The following XPNPEP2 variants were observed in gnomAD, a reference collection of about 807,000 sequenced individuals.
The protein encoded by XPNPEP2 is X-prolyl aminopeptidase 2.
In XPNPEP2, 64 loss-of-function variants were observed where a neutral mutation model predicts 59.8. That is an observed-to-expected ratio of 1.07 (90% CI 0.87 to 1.32). XPNPEP2 has a LOEUF of 1.32. XPNPEP2 is among the 40% of genes most tolerant of loss of function. The pLI is 0.00. For synonymous variants in XPNPEP2, 235 were observed against 210.0 expected, an observed-to-expected ratio of 1.12 and a Z score of -1.03; for missense variants, 575 against 546.8, an observed-to-expected ratio of 1.05 and a Z score of -0.51.
chrX:129,760,618 C>T (rs1926639309), intron 16 of XPNPEP2, 37 bp downstream of exon 16: 1 of 1,184,412 alleles, frequency 8.4e-7, no homozygotes, highest in Non-Finnish European at 1.1e-6. Flanking sequence ...CAGCCTCAGG[C>T]CCTGATTTCA....
rs146516829 is a variant in XPNPEP2 at position 129,758,106 on chromosome X, G to A, written c.1368-1074G>A. 1.9e-3 allele frequency among the ~76,000 whole-genome samples: 210 copies of A among 111,104 alleles called. 4 individuals carry two copies. The East Asian group carries it at 0.039, about 21-fold the overall frequency. ...CGTGGGGTGGGACAAAAGAAGGGCCGTACTGAACTGATGGAGGAGCAAGGA... is the reference window on the plus strand; with the variant it reads ...CGTGGGGTGGGACAAAAGAAGGGCCATACTGAACTGATGGAGGAGCAAGGA... On this transcript the variant is annotated intron_variant, in intron 14 of 20. Transcript: ENST00000371106.
chrX:129,766,111 C>T (rs1926747255), intron 19 of XPNPEP2, among the ~76,000 whole-genome samples: 1 of 111,988 alleles, frequency 8.9e-6, no homozygotes, highest in African/African-American at 3.2e-5. Context: ...CACCCTCTCT[C>T]TGTGATATGT....
At chrX:129,763,532 C>T (rs781473175) in intron 19 of XPNPEP2, among the ~76,000 whole-genome samples, 77 of 111,035 alleles carry the variant, frequency 6.9e-4, no homozygotes, top group South Asian at 1.9e-3. Context: ...ATTAGCTGCA[C>T]ATGGTGTCAT....
chrX:129,759,735 A>G (rs1168407119), intron 15 of XPNPEP2, among the ~76,000 whole-genome samples: 2 of 112,920 alleles, frequency 1.8e-5, no homozygotes, highest in Non-Finnish European at 3.7e-5. Context: ...TGGGGCAGAC[A>G]TTGTGCTGGA....
rs964280528 is a variant in XPNPEP2 at position 129,747,634 on chromosome X, T to C, written c.518T>C (p.Leu173Pro). Reference sequence around the variant, plus strand: ...ACCTGGGAGAGTTATGATCTGGCCCTCCAAGGCTCTAACAGACAGCTGGTG... The same window carrying C: ...ACCTGGGAGAGTTATGATCTGGCCCCCCAAGGCTCTAACAGACAGCTGGTG... ...IDTWESYDLA[L>P]QGSNRQLVSI... Residue 173 changes from leucine to proline, a missense_variant, in exon 7 of 21, where the codon CTC becomes CCC. Leu to Pro is a moderately conservative substitution (Grantham distance 98, BLOSUM62 -3). Coordinates refer to ENST00000371106, the MANE Select transcript of XPNPEP2 (RefSeq NM_003399.6). 8.3e-6 allele frequency: 10 copies of C among 1,210,439 alleles called. No homozygotes were observed. In the African/African-American group the frequency reaches 1.7e-4, roughly 21 times the overall value.
Position 129,739,050 on chromosome X carries a change from AG to A in XPNPEP2, c.-163del, listed in dbSNP as rs1177759010. On this transcript the variant is annotated 5_prime_UTR_variant, in exon 1 of 21. Transcript: ENST00000371106. ...CCAGAGCCCTCCAAAACAAAAGACC[AG>A]AGAAGCACTCTCCACCCAGCAGCCA... The A allele has an allele frequency of 1.7e-5, 9 of 523,356 alleles. No homozygotes were observed. Among genetic ancestry groups the A allele is most frequent in the Non-Finnish European group, 2.5e-5 (8 of 314,500 alleles). The allele number at this position is 523,356 out of a possible 1,213,427, so 43.1% of individuals were successfully genotyped here.
chrX:129,739,239 G>A lies in XPNPEP2; in HGVS notation c.26G>A (p.Cys9Tyr). Reference protein sequence around the residue: MARAHWGCCPWLVLLCACA... With the variant: MARAHWGCYPWLVLLCACA... ...ATGGCCCGGGCTCACTGGGGCTGCT[G>A]CCCCTGGCTGGTCCTCCTCTGTGGT... The change falls in exon 1 of 21, where the codon TGC (cysteine) becomes TAC (tyrosine). Residue 9 changes from cysteine to tyrosine, a missense_variant. Coordinates refer to ENST00000371106, the MANE Select transcript of XPNPEP2 (RefSeq NM_003399.6). The A allele has an allele frequency of 8.3e-7, 1 of 1,209,643 alleles. No homozygotes were observed. The highest frequency in any genetic ancestry group is 1.7e-5 in the African/African-American group (1 of 57,736).
rs1926790131 is a variant in XPNPEP2, at chrX:129,768,307, GCTA to G, written c.1852_1854del (p.Tyr618del). On this transcript the variant is annotated inframe_deletion, in exon 21 of 21. Transcript: ENST00000371106. ...CCTTCGCAGCTCCAGTACCTGAATC[GCTA>G]CTACCAGACCATCCGGGAGAAGGTG... 7 of 1,178,360 alleles carry G rather than the reference GCTA, an allele frequency of 5.9e-6. No individual in the cohort carries two copies. In the East Asian group the frequency reaches 2.1e-4, roughly 35 times the overall value.
At chrX:129,739,986 A>T (rs1246975831) in intron 1 of XPNPEP2, among the ~76,000 whole-genome samples, 5 of 112,166 alleles carry the variant, frequency 4.5e-5, no homozygotes, top group Admixed American at 9.4e-5. Flanking sequence ...CTGATCAGTC[A>T]CTCAATGTCC....
In XPNPEP2 at chrX:129,755,305, TCTC is replaced by T. The variant is rs780375357; in HGVS notation, c.1234_1236del (p.Ser412del). The T allele has an allele frequency of 3.3e-6, 4 of 1,211,555 alleles. No homozygotes were observed. Among genetic ancestry groups the T allele is most frequent in the Non-Finnish European group, 4.5e-6 (4 of 895,321 alleles). On this transcript the variant is annotated inframe_deletion, in exon 13 of 21. Coordinates refer to ENST00000371106, the MANE Select transcript of XPNPEP2 (RefSeq NM_003399.6). ...CTTGTACTTTCCAGAGAAGAACAGT[TCTC>T]CTCCGGACCCAGTTTTGAAACCATC...
chrX:129,743,923 G>A (rs1454139642), intron 2 of XPNPEP2, 38 bp from the exon 3 acceptor site: 1 of 1,154,881 alleles, frequency 8.7e-7, no homozygotes, highest in East Asian at 3.0e-5. Flanking sequence ...GTGTGTATCT[G>A]TTTGTTTGTG....
intron 1 of XPNPEP2, among the ~76,000 whole-genome samples, chrX:129,741,121 C>T (rs888602888): frequency 2.3e-4 from 24 of 103,576 alleles, no homozygotes; most frequent in Non-Finnish European, 4.5e-4. Context: ...AGAACTTAGT[C>T]CAGTGCCTGG....
intron 8 of XPNPEP2, among the ~76,000 whole-genome samples, chrX:129,751,522 AAAAGAAAGAAAGGAAGAAAG>A (rs1449119416): frequency 4.0e-5 from 4 of 100,827 alleles, no homozygotes; most frequent in Non-Finnish European, 8.0e-5. Context: ...AAAAGAAAGA[AAAAGAAAGAAAGGAAGAAAG>A]AAAGAAAGAA....
intron 2 of XPNPEP2, among the ~76,000 whole-genome samples, chrX:129,742,568 A>G (rs971878491): frequency 1.8e-5 from 2 of 110,754 alleles, no homozygotes; most frequent in African/African-American, 6.6e-5. Flanking sequence ...CAGCAAAAAG[A>G]GAAGCACAGA....
intron 1 of XPNPEP2, 106 bp from the exon 2 acceptor site, chrX:129,742,002 G>C (rs5975146): frequency 2.8e-6 from 2 of 715,006 alleles, no homozygotes; most frequent in African/African-American, 2.1e-5. Context: ...AGCTTCGTGC[G>C]TTTCAAAGGA....
chrX:129,745,069 C>T (rs1003831901), intron 3 of XPNPEP2, 134 bp from the exon 4 acceptor site: 171 of 687,737 alleles, frequency 2.5e-4, no homozygotes, highest in Non-Finnish European at 2.3e-4. Flanking sequence ...GGAAGAGGCA[C>T]TTGGTGTGCT....
At position 129,756,996 on chromosome X, in the gene XPNPEP2, C is replaced by CTATATA. The variant is rs61273791; in HGVS notation, c.1367+464_1367+469dup. ...TACAGGTGTCCACCACCATGCCCAG[C>CTATATA]TATATATATATATATATATATATAT... On this transcript the variant is annotated intron_variant, in intron 14 of 20. Coordinates refer to ENST00000371106, the MANE Select transcript of XPNPEP2 (RefSeq NM_003399.6). Among the ~76,000 whole-genome samples, 245 of 70,403 alleles carry CTATATA rather than the reference C, an allele frequency of 3.5e-3. 1 individual carries two copies. The highest frequency in any genetic ancestry group is 0.021 in the East Asian group (28 of 1,359). 61.1% of individuals were successfully genotyped at this position (70,403 alleles called of 115,157 possible). A position where few individuals can be genotyped will look rare whatever the true frequency, so the allele number is the denominator to read the frequency against.
intron 11 of XPNPEP2, among the ~76,000 whole-genome samples, chrX:129,753,504 G>C (rs1279227363): frequency 9.0e-6 from 1 of 111,170 alleles, no homozygotes; most frequent in Non-Finnish European, 1.9e-5. Context: ...TTAGCCAGGC[G>C]TGGTGGCGAT....
At chrX:129,742,974 G>A (rs1177812032) in intron 2 of XPNPEP2, among the ~76,000 whole-genome samples, 4 of 111,956 alleles carry the variant, frequency 3.6e-5, no homozygotes, top group African/African-American at 9.7e-5. Context: ...CCTAGGGTGT[G>A]CAGACGAGGA....
Sources: gnomAD v4.1 joint callset for allele counts (sites outside exome capture counted in the v4.1 genomes callset) on GRCh38, gnomAD v4.1.1 for gene constraint, MANE v1.5 for transcripts, NCBI Gene and HGNC (gene_info 2026-07-23, HGNC 2026-07-21) for gene names.